NSUN4: variants seen among roughly 807,000 people sequenced by gnomAD.
The protein encoded by NSUN4 is NOP2/Sun RNA methyltransferase 4, also known as 5-cytosine rRNA methyltransferase NSUN4.
NSUN4 carries 31 observed loss-of-function variants against 43.8 expected under a neutral mutation model. The observed-to-expected ratio is 0.71, with a 90% CI of 0.53 to 0.96. The LOEUF (loss-of-function observed/expected upper bound fraction) is 0.96. Among genes scored for constraint, NSUN4 ranks in the 40% least tolerant of loss-of-function variants. The pLI, the probability that NSUN4 is intolerant of heterozygous loss-of-function variation, is 0.00. For missense variants in NSUN4, 439 were observed against 475.6 expected (o/e 0.92, Z 0.72); for synonymous variants, 167 against 184.1 (o/e 0.91, Z 0.75).
the NSUN4 span, among the ~76,000 whole-genome samples, chr1:46,374,009 G>A: frequency 4.6e-5 from 7 of 152,154 alleles, no homozygotes; most frequent in South Asian, 4.2e-4. Flanking sequence ...AGATCTAGCC[G>A]GGCGCAGTGG....
chr1:46,343,094 C>T, intron 1 of NSUN4: 1 of 399,530 alleles, frequency 2.5e-6, no homozygotes. Flanking sequence ...ATGGACCCTC[C>T]ATAGGGCCCC....
chr1:46,358,831 T>G (rs1663589998), intron 4 of NSUN4, among the ~76,000 whole-genome samples: 1 of 152,228 alleles, frequency 6.6e-6, no homozygotes, highest in Non-Finnish European at 1.5e-5. Context: ...TAATTCTACA[T>G]TGGATAATTC....
chr1:46,370,865 A>G, the NSUN4 span: 1 of 152,560 alleles, frequency 6.6e-6, no homozygotes, highest in African/African-American at 2.4e-5. Flanking sequence ...ACACACAGAC[A>G]GATCAAGTTC....
chr1:46,360,220 C>G (rs1428598223), intron 4 of NSUN4, among the ~76,000 whole-genome samples: 6 of 59,998 alleles, frequency 1.0e-4, no homozygotes, highest in African/African-American at 2.2e-4. Context: ...CAGAGCAAGA[C>G]TCCATCTCAA....
chr1:46,352,804 CAGCGCCATT>C, intron 3 of NSUN4, 55 bp from the exon 4 acceptor site: 1 of 1,523,456 alleles, frequency 6.6e-7, no homozygotes, highest in Non-Finnish European at 9.1e-7. Context: ...CTGACTCCAT[CAGCGCCATT>C]GCTGGTGGAA....
chr1:46,376,237 G>A, the NSUN4 span, among the ~76,000 whole-genome samples: 4 of 150,794 alleles, frequency 2.7e-5, no homozygotes, highest in South Asian at 2.1e-4. Context: ...GTGAAACTCC[G>A]TCTCTACTAA....
At chr1:46,373,702 C>T in the NSUN4 span, among the ~76,000 whole-genome samples, 5 of 152,336 alleles carry the variant, frequency 3.3e-5, no homozygotes, top group African/African-American at 1.2e-4. Context: ...ATCCATTAAC[C>T]AATTAATCCA....
At chr1:46,356,705 A>C (rs982579954) in intron 4 of NSUN4, among the ~76,000 whole-genome samples, 8 of 151,800 alleles carry the variant, frequency 5.3e-5, no homozygotes, top group Non-Finnish European at 1.0e-4. Flanking sequence ...AAAAAAAAGA[A>C]GAAGAAGAAG....
chr1:46,359,812 T>G (rs67276232), intron 4 of NSUN4, among the ~76,000 whole-genome samples: 34,069 of 152,010 alleles, frequency 0.22, 4,285 homozygotes, highest in Non-Finnish European at 0.29. Flanking sequence ...TCACTATGTT[T>G]TCCAGACTGT....
chr1:46,360,623 CA>C, intron 4 of NSUN4, 80 bp from the exon 5 acceptor site: 4 of 1,475,774 alleles, frequency 2.7e-6, no homozygotes, highest in Non-Finnish European at 3.7e-6. Context: ...AAACTTAGGC[CA>C]GGGGCCTAAA....
At position 46,342,561 on chromosome 1, in the gene NSUN4, T is replaced by A; in HGVS notation, c.93+1642T>A. The A allele has an allele frequency of 7.5e-6, 3 of 399,414 alleles. No individual in the cohort carries two copies. In the Admixed American group the frequency reaches 1.3e-4, roughly 18 times the overall value. 24.7% of individuals were successfully genotyped at this position (399,414 alleles called of 1,614,324 possible). A position where few individuals can be genotyped will look rare whatever the true frequency, so the allele number is the denominator to read the frequency against. ...TCTCTCCTGGGAGGCAACTGGGAAC[T>A]CTTACCTCATCCTAACCCCGGACAC... On this transcript the variant is annotated intron_variant, in intron 1 of 5. Transcript: ENST00000474844.
the NSUN4 span, among the ~76,000 whole-genome samples, chr1:46,371,361 A>G: frequency 6.9e-6 from 1 of 144,504 alleles, no homozygotes; most frequent in Middle Eastern, 3.4e-3. Context: ...GCTGGAGTGC[A>G]GTGGTGCGAT....
chr1:46,349,754 C>T (rs1393919103), intron 3 of NSUN4, among the ~76,000 whole-genome samples: 1 of 152,172 alleles, frequency 6.6e-6, no homozygotes, highest in African/African-American at 2.4e-5. Flanking sequence ...AAGGTGGGGT[C>T]ATGGGCTTAA....
chr1:46,351,450 T>G (rs1443968256), intron 3 of NSUN4, among the ~76,000 whole-genome samples: 2 of 152,142 alleles, frequency 1.3e-5, no homozygotes, highest in Non-Finnish European at 2.9e-5. Context: ...AGAATGATTT[T>G]GGCTAAATAA....
chr1:46,343,676 C>A (rs1225771031), intron 1 of NSUN4: 2 of 399,854 alleles, frequency 5.0e-6, no homozygotes, highest in Non-Finnish European at 8.8e-6. Context: ...GAAGCTGGGG[C>A]CGGAGCAGTA....
Position 46,361,391 on chromosome 1 carries a change from G to A in NSUN4, c.879-179G>A, listed in dbSNP as rs182397708. On this transcript the variant is annotated intron_variant, in intron 5 of 5. Coordinates refer to ENST00000474844, the MANE Select transcript of NSUN4 (RefSeq NM_199044.4). ...AGAGCTCATGGAGTAAGGTTGGGTTGCTATCTGCCTTGAGAGTGACTTTTC... is the reference window on the plus strand; with the variant it reads ...AGAGCTCATGGAGTAAGGTTGGGTTACTATCTGCCTTGAGAGTGACTTTTC... Among the ~76,000 whole-genome samples, 18 of 152,280 alleles carry A rather than the reference G, an allele frequency of 1.2e-4. No individual in the cohort carries two copies. In the East Asian group the frequency reaches 3.5e-3, roughly 29 times the overall value.
downstream of NSUN4, among the ~76,000 whole-genome samples, chr1:46,368,195 A>G (rs1246576225): frequency 4.6e-5 from 7 of 151,812 alleles, no homozygotes; most frequent in East Asian, 1.9e-4. Context: ...TATTACTCCA[A>G]TCAGCCCTAA....
downstream of NSUN4, among the ~76,000 whole-genome samples, chr1:46,367,538 C>T (rs1489129464): frequency 6.6e-6 from 1 of 152,120 alleles, no homozygotes; most frequent in Non-Finnish European, 1.5e-5. Flanking sequence ...AGGCAAGCCT[C>T]AAAACTGGGG....
At chr1:46,353,631 A>G (rs1227022728) in intron 4 of NSUN4, among the ~76,000 whole-genome samples, 5 of 151,602 alleles carry the variant, frequency 3.3e-5, no homozygotes, top group Admixed American at 3.3e-4. Flanking sequence ...GCCCACCACC[A>G]CGCCCGGCTA....
Sources: gnomAD v4.1 joint callset for allele counts (sites outside exome capture counted in the v4.1 genomes callset) on GRCh38, gnomAD v4.1.1 for gene constraint, MANE v1.5 for transcripts, NCBI Gene and HGNC (gene_info 2026-07-23, HGNC 2026-07-21) for gene names.